The following CASZ1 variants were observed in gnomAD, a reference collection of about 807,000 sequenced individuals.
CASZ1 encodes the protein zinc finger protein castor homolog 1.
CASZ1 carries 28 observed loss-of-function variants against 135.2 expected under a neutral mutation model. The observed-to-expected ratio is 0.21, with a 90% confidence interval of 0.15 to 0.28. The LOEUF (loss-of-function observed/expected upper bound fraction) is 0.28, where lower values mean the gene tolerates loss of function less well. Among genes scored for constraint, CASZ1 ranks in the 10% least tolerant of loss-of-function variants. The pLI is 1.00. For synonymous variants in CASZ1, 1,068 were observed against 1,073.4 expected (o/e 0.99, Z 0.10); for missense variants, 2,161 against 2,453.3 (o/e 0.88, Z 2.52).
intron 4 of CASZ1, among the ~76,000 whole-genome samples, chr1:10,682,515 G>A (rs1570469106): frequency 6.6e-6 from 1 of 152,106 alleles, no homozygotes; most frequent in South Asian, 2.1e-4. Flanking sequence ...GGAAGAGGGA[G>A]CGAGGTCTAT....
intron 2 of CASZ1, among the ~76,000 whole-genome samples, chr1:10,714,223 G>A (rs1196803503): frequency 1.3e-5 from 2 of 152,118 alleles, no homozygotes; most frequent in African/African-American, 2.4e-5. Context: ...CAGGAGAATC[G>A]CTTGCACCTG....
chr1:10,710,347 C>T (rs974494578), intron 2 of CASZ1, among the ~76,000 whole-genome samples: 1 of 152,136 alleles, frequency 6.6e-6, no homozygotes, highest in Non-Finnish European at 1.5e-5. Context: ...TCTCTCAAGG[C>T]TCCAGGAGAA....
chr1:10,773,644 G>A lies in CASZ1; in HGVS notation c.-233-12787C>T, dbSNP rs534215250. Among the ~76,000 whole-genome samples, 6 of 152,122 alleles carry A rather than the reference G, an allele frequency of 3.9e-5. No homozygotes were observed. In the East Asian group the frequency reaches 7.8e-4, roughly 20 times the overall value. Reference sequence around the variant, plus strand: ...TCTCAGCATACTTGGCCGGGGGAACGCATGGACCAGGCAACGGGCTCCCCC... The same window carrying A: ...TCTCAGCATACTTGGCCGGGGGAACACATGGACCAGGCAACGGGCTCCCCC... On this transcript the variant is annotated intron_variant, in intron 1 of 20. Transcript: ENST00000377022.
intron 2 of CASZ1, among the ~76,000 whole-genome samples, chr1:10,742,608 C>G (rs937740861): frequency 1.3e-5 from 2 of 152,146 alleles, no homozygotes; most frequent in African/African-American, 4.8e-5. Context: ...AAGTGAAGAA[C>G]TTGAAATCCT....
At chr1:10,665,786 G>A (rs1643216809) in intron 4 of CASZ1, among the ~76,000 whole-genome samples, 1 of 152,204 alleles carries the variant, frequency 6.6e-6, no homozygotes, top group Non-Finnish European at 1.5e-5. Flanking sequence ...TCTGAGCCTG[G>A]CAGGGTGCCT....
In CASZ1 at chr1:10,725,390, A is replaced by G. The variant is rs1280286310; in HGVS notation, c.-76-19846T>C. Among the ~76,000 whole-genome samples, 1 of 152,004 alleles carries G rather than the reference A, an allele frequency of 6.6e-6. No homozygotes were observed. ...AGGCTCCTCTCAAGTACTGAGCCAT[A>G]TGGTTCCAGTTAAGCTCCATATTTT... On this transcript the variant is annotated intron_variant, in intron 2 of 20. Coordinates refer to ENST00000377022, the MANE Select transcript of CASZ1 (RefSeq NM_001079843.3). This position sits in a 1 kb window ranked among gnomAD's most constrained non-coding sequence, Gnocchi z 4.4.
In CASZ1 at chr1:10,707,280, C is replaced by T. The variant is rs931575483; in HGVS notation, c.-76-1736G>A. On this transcript the variant is annotated intron_variant, in intron 2 of 20. Coordinates refer to ENST00000377022, the MANE Select transcript of CASZ1 (RefSeq NM_001079843.3). This position sits in a 1 kb window ranked among gnomAD's most constrained non-coding sequence, Gnocchi z 5.0. Reference sequence around the variant, plus strand: ...TGTGCATTTATTAATTCATGAGGCACTAATTAGTTCTTTGTTTAATTTTGT... The same window carrying T: ...TGTGCATTTATTAATTCATGAGGCATTAATTAGTTCTTTGTTTAATTTTGT... 2.0e-5 allele frequency among the ~76,000 whole-genome samples: 3 copies of T among 152,156 alleles called. No individual in the cohort carries two copies. The highest frequency in any genetic ancestry group is 6.5e-5 in the Admixed American group (1 of 15,282).
chr1:10,696,363 C>T (rs908520256), intron 3 of CASZ1, among the ~76,000 whole-genome samples: 2 of 152,222 alleles, frequency 1.3e-5, no homozygotes, highest in African/African-American at 4.8e-5. Flanking sequence ...TACTGAGCTG[C>T]CCCTGGCCCC....
chr1:10,656,011 A>G (rs907406304), intron 8 of CASZ1, among the ~76,000 whole-genome samples, 198 bp from the exon 9 acceptor site: 2 of 152,198 alleles, frequency 1.3e-5, no homozygotes, highest in Non-Finnish European at 2.9e-5. Flanking sequence ...CAAAGGTTCT[A>G]GGACCATAGA....
At position 10,724,254 on chromosome 1, in the gene CASZ1, G is replaced by A. The variant is rs1639555977; in HGVS notation, c.-76-18710C>T. On this transcript the variant is annotated intron_variant, in intron 2 of 20. Coordinates refer to ENST00000377022, the MANE Select transcript of CASZ1 (RefSeq NM_001079843.3). The surrounding 1 kb of genome is among the most constrained non-coding windows in gnomAD (Gnocchi z 4.1). ...AATAGCCAGCAAATCATTTCCCAGA[G>A]CCACGGCCCCCTCCCCAGCACCAAG... Among the ~76,000 whole-genome samples, 1 of 152,146 alleles carries A rather than the reference G, an allele frequency of 6.6e-6. No homozygotes were observed.
At chr1:10,769,526 AT>A (rs968492529) in intron 1 of CASZ1, among the ~76,000 whole-genome samples, 31 of 151,638 alleles carry the variant, frequency 2.0e-4, no homozygotes, top group South Asian at 4.2e-4. Context: ...GAAATAGTTA[AT>A]TTTTTTTTGA....
intron 2 of CASZ1, among the ~76,000 whole-genome samples, chr1:10,728,372 GA>G (rs929287243): frequency 1.3e-5 from 2 of 152,216 alleles, no homozygotes; most frequent in African/African-American, 4.8e-5. Flanking sequence ...GAAAAGGTCA[GA>G]AGCTTTTGTA....
At chr1:10,658,863 G>C (rs34593019) in intron 6 of CASZ1, among the ~76,000 whole-genome samples, 10 of 152,312 alleles carry the variant, frequency 6.6e-5, no homozygotes, top group Admixed American at 4.6e-4. Flanking sequence ...AGCATTCAGG[G>C]AGCATCAGGA....
At chr1:10,664,416 G>A (rs1643160222) in intron 5 of CASZ1, among the ~76,000 whole-genome samples, 2 of 151,666 alleles carry the variant, frequency 1.3e-5, no homozygotes, top group Admixed American at 6.6e-5. Flanking sequence ...CACCAGCAGA[G>A]CAGGGCCTCA....
intron 20 of CASZ1, 105 bp downstream of exon 20, chr1:10,642,754 C>G: frequency 7.5e-7 from 1 of 1,333,352 alleles, no homozygotes; most frequent in Non-Finnish European, 1.0e-6. Context: ...GCCTGTCCTC[C>G]TCGGAGGCCG....
At position 10,788,898 on chromosome 1, in the gene CASZ1, C is replaced by G. The variant is rs1383551907; in HGVS notation, c.-234+7666G>C. Among the ~76,000 whole-genome samples, 1 of 152,348 alleles carries G rather than the reference C, an allele frequency of 6.6e-6. No individual in the cohort carries two copies. The highest frequency in any genetic ancestry group is 1.5e-5 in the Non-Finnish European group (1 of 68,028). ...CAGAGGGGAAGCCAGCAGCCGCTGC[C>G]GCTCTGCAGAACCTCGCAGATCCTC... On this transcript the variant is annotated intron_variant, in intron 1 of 20. Coordinates refer to ENST00000377022, the MANE Select transcript of CASZ1 (RefSeq NM_001079843.3). This position sits in a 1 kb window ranked among gnomAD's most constrained non-coding sequence, Gnocchi z 4.1.
At position 10,639,825 on chromosome 1, in the gene CASZ1, TA is replaced by T; in HGVS notation, c.4396del (p.Tyr1466ThrfsTer77). ...HYHCTRENCG[Y>X]KFCGRTHMYK... Reference sequence around the variant, plus strand: ...CATGTGCGTGCGCCCGCAGAACTTGTAGCCGCAGTTCTCGCGCGTGCAGTGG... The same window carrying T: ...CATGTGCGTGCGCCCGCAGAACTTGTGCCGCAGTTCTCGCGCGTGCAGTGG... On this transcript the variant is annotated frameshift_variant, in exon 21 of 21. Transcript: ENST00000377022. LOFTEE classifies it high-confidence loss of function. The surrounding 1 kb of genome is among the most constrained non-coding windows in gnomAD (Gnocchi z 4.0). The T allele has an allele frequency of 1.9e-6, 3 of 1,610,752 alleles. No homozygotes were observed. The highest frequency in any genetic ancestry group is 2.5e-6 in the Non-Finnish European group (3 of 1,178,992).
In CASZ1 at chr1:10,757,939, C is replaced by T. The variant is rs1285114754; in HGVS notation, c.-77+2762G>A. Among the ~76,000 whole-genome samples, 1 of 152,238 alleles carries T rather than the reference C, an allele frequency of 6.6e-6. No homozygotes were observed. The highest frequency in any genetic ancestry group is 2.4e-5 in the African/African-American group (1 of 41,454). ...CTGACACCCACCTCATCCACGTCCC[C>T]ATCCACGTCCTGGCCACTCTGCCTT... On this transcript the variant is annotated intron_variant, in intron 2 of 20. Transcript: ENST00000377022. The surrounding 1 kb of genome is among the most constrained non-coding windows in gnomAD (Gnocchi z 4.6).
chr1:10,681,630 T>C (rs935793664), intron 4 of CASZ1, among the ~76,000 whole-genome samples: 2 of 152,252 alleles, frequency 1.3e-5, no homozygotes, highest in South Asian at 2.1e-4. Flanking sequence ...CTCACCAGAC[T>C]GCAAGATCCC....
Sources: allele counts gnomAD v4.1 joint callset (sites outside exome capture counted in the v4.1 genomes callset), GRCh38; gene constraint gnomAD v4.1.1; non-coding constraint Gnocchi (gnomAD v3.1); transcripts MANE v1.5; gene names NCBI Gene and HGNC (gene_info 2026-07-23, HGNC 2026-07-21).